The following COG5 variants were observed in gnomAD, a reference collection of about 807,000 sequenced individuals.
COG5 encodes component of oligomeric golgi complex 5.
A neutral mutation model predicts 110.4 loss-of-function variants in COG5; 86 were observed. The ratio of observed to expected loss-of-function variants is 0.78; its 90% CI spans 0.65 to 0.93. The LOEUF (loss-of-function observed/expected upper bound fraction) is 0.93. Among genes scored for constraint, COG5 ranks in the 40% least tolerant of loss-of-function variants. COG5 has a pLI of 0.00. For synonymous variants in COG5, 360 were observed against 334.6 expected (o/e 1.08, Z -0.83); for missense variants, 1,077 against 987.0 (o/e 1.09, Z -1.22).
At chr7:107,436,014 T>C (rs1248833239) in intron 6 of COG5, among the ~76,000 whole-genome samples, 3 of 152,196 alleles carry the variant, frequency 2.0e-5, no homozygotes, top group Admixed American at 6.5e-5. Context: ...ACTTGGAGGA[T>C]ATGATATTAA....
At chr7:107,223,688 G>A (rs1800117212) in intron 19 of COG5, among the ~76,000 whole-genome samples, 1 of 152,070 alleles carries the variant, frequency 6.6e-6, no homozygotes, top group South Asian at 2.1e-4. Flanking sequence ...TCCTGTTCCG[G>A]GACCATTCAG....
intron 16 of COG5, among the ~76,000 whole-genome samples, chr7:107,254,547 G>A (rs1802745707): frequency 1.3e-5 from 2 of 152,080 alleles, no homozygotes; most frequent in African/African-American, 4.8e-5. Flanking sequence ...TTCTGTTATC[G>A]AGTTCGAAAA....
chr7:107,207,327 G>A (rs1339751345), intron 21 of COG5, among the ~76,000 whole-genome samples: 2 of 152,162 alleles, frequency 1.3e-5, no homozygotes, highest in Non-Finnish European at 2.9e-5. Context: ...GAGTTCTGCA[G>A]AAGTACAGAG....
intron 19 of COG5, among the ~76,000 whole-genome samples, chr7:107,220,282 A>T (rs1799820129): frequency 2.0e-5 from 3 of 152,226 alleles, no homozygotes; most frequent in Admixed American, 2.0e-4. Context: ...TGTGTACAGG[A>T]TCATCATTTG....
intron 6 of COG5, among the ~76,000 whole-genome samples, chr7:107,482,382 G>GCAA (rs1797407476): frequency 6.6e-6 from 1 of 151,938 alleles, no homozygotes; most frequent in Non-Finnish European, 1.5e-5. Context: ...CTGGTCTCAA[G>GCAA]CAATCCTCCC....
chr7:107,496,130 A>C (rs945278559), intron 6 of COG5, among the ~76,000 whole-genome samples: 1 of 152,022 alleles, frequency 6.6e-6, no homozygotes, highest in African/African-American at 2.4e-5. Context: ...AACTCTTCCC[A>C]AAAATTAAAG....
intron 6 of COG5, among the ~76,000 whole-genome samples, chr7:107,420,733 T>C (rs1375718899): frequency 6.6e-6 from 1 of 152,216 alleles, no homozygotes; most frequent in Non-Finnish European, 1.5e-5. Flanking sequence ...AGTGCTGGGA[T>C]TACAGGCGTG....
chr7:107,307,830 G>C (rs1421892043), intron 11 of COG5, among the ~76,000 whole-genome samples: 2 of 151,920 alleles, frequency 1.3e-5, no homozygotes, highest in African/African-American at 2.4e-5. Flanking sequence ...TGGGTGATGG[G>C]TGTACAAAAA....
chr7:107,246,874 T>C lies in COG5; in HGVS notation c.1853+1522A>G, dbSNP rs557623134. Among the ~76,000 whole-genome samples the C allele has an allele frequency of 2.6e-5, 4 of 152,314 alleles. No individual in the cohort carries two copies. In the South Asian group the frequency reaches 6.2e-4, roughly 24 times the overall value. On this transcript the variant is annotated intron_variant, in intron 17 of 21. Transcript: ENST00000297135. ...CCCAGCAATCCCATTACTGGCTATA[T>C]ATCCAGAGGAATATAAATCATTCTA...
intron 12 of COG5, among the ~76,000 whole-genome samples, chr7:107,286,584 C>T (rs1484013225): frequency 6.6e-6 from 1 of 152,144 alleles, no homozygotes; most frequent in African/African-American, 2.4e-5. Flanking sequence ...AATCAAGAGA[C>T]CTGAAGGTCA....
chr7:107,517,288 T>C (rs930764511), intron 6 of COG5, among the ~76,000 whole-genome samples: 4 of 150,664 alleles, frequency 2.7e-5, no homozygotes, highest in African/African-American at 4.9e-5. Flanking sequence ...ACAGACAAGA[T>C]TAGAGAAAAA....
chr7:107,561,101 T>C (rs931465129), intron 1 of COG5, among the ~76,000 whole-genome samples: 2 of 152,232 alleles, frequency 1.3e-5, no homozygotes, highest in East Asian at 3.8e-4. Context: ...ATTAGTATTG[T>C]CATAGAGCTT....
chr7:107,553,702 AAAT>A (rs1416373108), intron 3 of COG5, among the ~76,000 whole-genome samples: 3 of 152,216 alleles, frequency 2.0e-5, no homozygotes, highest in African/African-American at 7.2e-5. Flanking sequence ...AGATTTGTAA[AAAT>A]AAAAATCCAA....
chr7:107,450,585 G>C (rs529278180), intron 6 of COG5, among the ~76,000 whole-genome samples: 1 of 152,102 alleles, frequency 6.6e-6, no homozygotes, highest in Non-Finnish European at 1.5e-5. Context: ...TGTCATAAAG[G>C]TCATTTATTA....
chr7:107,236,544 G>T lies in COG5; in HGVS notation c.1997C>A (p.Ala666Asp). ...GATAAAAAGTTCAACAGCTCTTTGG[G>T]CAATAGCCTCAGTGTTGTCAAAGAC... ...DFVFDNTEAI[A>D]QRAVELFIRH... The change falls in exon 18 of 22, where the codon GCC becomes GAC. Residue 666 changes from alanine (A) to aspartate (D), a missense_variant. Transcript: ENST00000297135. The T allele has an allele frequency of 6.8e-6, 11 of 1,614,088 alleles. No homozygotes were observed. The highest frequency in any genetic ancestry group is 7.6e-6 in the Non-Finnish European group (9 of 1,179,982).
intron 6 of COG5, among the ~76,000 whole-genome samples, chr7:107,459,508 A>G (rs1384120131): frequency 6.6e-6 from 1 of 152,182 alleles, no homozygotes; most frequent in Admixed American, 6.5e-5. Flanking sequence ...AAATGTTAAT[A>G]GAACAGGGCC....
intron 8 of COG5, among the ~76,000 whole-genome samples, chr7:107,365,635 G>C (rs907682162): frequency 7.2e-6 from 1 of 139,352 alleles, no homozygotes; most frequent in African/African-American, 2.7e-5. Context: ...AAAGCTGAAG[G>C]AAAATCATAA....
At chr7:107,504,643 T>C (rs571953281) in intron 6 of COG5, among the ~76,000 whole-genome samples, 2 of 152,310 alleles carry the variant, frequency 1.3e-5, no homozygotes, top group South Asian at 2.1e-4. Context: ...TTTTCTTTGT[T>C]GGCAATTTTT....
At chr7:107,248,153 TG>T (rs1305690649) in intron 17 of COG5, among the ~76,000 whole-genome samples, 1 of 152,078 alleles carries the variant, frequency 6.6e-6, no homozygotes, top group Non-Finnish European at 1.5e-5. Flanking sequence ...TGTATGCACA[TG>T]TAACGTGATA....
Sources: gnomAD v4.1 joint callset for allele counts (sites outside exome capture counted in the v4.1 genomes callset) on GRCh38, gnomAD v4.1.1 for gene constraint, MANE v1.5 for transcripts, NCBI Gene and HGNC (gene_info 2026-07-23, HGNC 2026-07-21) for gene names.